The following RGS7 variants were observed in gnomAD, a reference collection of about 807,000 sequenced individuals.
RGS7 encodes the protein regulator of G-protein signaling 7.
In RGS7, 27 loss-of-function variants were observed where a neutral mutation model predicts 81.1. The ratio of observed to expected loss-of-function variants is 0.33; its 90% CI spans 0.25 to 0.46. The LOEUF (loss-of-function observed/expected upper bound fraction) is 0.46. RGS7 is among the 20% of genes least tolerant of loss of function. The pLI is 1.00. For synonymous variants in RGS7, 208 were observed against 207.7 expected (o/e 1.00, Z -0.01); for missense variants, 396 against 607.4 (o/e 0.65, Z 3.66).
chr1:241,068,238 G>GTGTGTGTGTGTGTGTGTGTA, intron 3 of RGS7, among the ~76,000 whole-genome samples: 1 of 35,620 alleles, frequency 2.8e-5, no homozygotes. Flanking sequence ...GTGTGTGTGT[G>GTGTGTGTGTGTGTGTGTGTA]TATATATATA....
intron 3 of RGS7, among the ~76,000 whole-genome samples, chr1:241,000,814 ATTTTT>A (rs10691671): frequency 0.36 from 47,340 of 130,380 alleles, 8,963 homozygotes; most frequent in East Asian, 0.58. Flanking sequence ...CACCCAGCTA[ATTTTT>A]TTTTTTTTTT....
intron 3 of RGS7, among the ~76,000 whole-genome samples, chr1:241,061,867 T>C (rs541080885): frequency 1.6e-4 from 25 of 152,332 alleles, no homozygotes; most frequent in African/African-American, 4.6e-4. Context: ...CATTGAACCT[T>C]GACTCTGTGA....
chr1:241,190,361 T>G (rs762597142), intron 2 of RGS7, among the ~76,000 whole-genome samples: 1 of 152,160 alleles, frequency 6.6e-6, no homozygotes, highest in African/African-American at 2.4e-5. Context: ...TTATAAAAAT[T>G]TTGCTCATAT....
At chr1:240,977,231 C>T (rs1273627822) in intron 4 of RGS7, among the ~76,000 whole-genome samples, 2 of 151,976 alleles carry the variant, frequency 1.3e-5, no homozygotes, top group African/African-American at 4.8e-5. Flanking sequence ...TTCTTCCTTC[C>T]AATCCCCCTG....
intron 2 of RGS7, among the ~76,000 whole-genome samples, chr1:241,205,661 A>G (rs552857308): frequency 6.6e-6 from 1 of 151,658 alleles, no homozygotes; most frequent in East Asian, 2.0e-4. Flanking sequence ...GAGTTTCACC[A>G]TCTTGCCCAG....
rs2067918386 is a variant in RGS7, at chr1:241,141,488, A to G, written c.79-42726T>C. ...AGGTTTAATTGATTCATGGTTCTGC[A>G]TTGCTTGGGAGGCCTCAGGAAACTT... On this transcript the variant is annotated intron_variant, in intron 2 of 18. Coordinates refer to ENST00000440928, the MANE Select transcript of RGS7 (RefSeq NM_001364886.1). 2.0e-5 allele frequency among the ~76,000 whole-genome samples: 3 copies of G among 152,218 alleles called. No individual in the cohort carries two copies. In the South Asian group the frequency reaches 6.2e-4, roughly 31 times the overall value.
intron 3 of RGS7, among the ~76,000 whole-genome samples, chr1:240,983,625 G>A (rs1273312819): frequency 1.3e-5 from 2 of 152,144 alleles, no homozygotes; most frequent in Non-Finnish European, 2.9e-5. Flanking sequence ...TGACCGAAAT[G>A]TCTTCCCACT....
intron 2 of RGS7, among the ~76,000 whole-genome samples, chr1:241,234,672 A>AT (rs1399407030): frequency 1.3e-5 from 2 of 152,018 alleles, no homozygotes; most frequent in African/African-American, 4.8e-5. Context: ...TTCCATGAGA[A>AT]AGACACACAA....
chr1:241,126,311 G>A (rs1387430953), intron 2 of RGS7, among the ~76,000 whole-genome samples: 2 of 151,826 alleles, frequency 1.3e-5, no homozygotes, highest in Non-Finnish European at 2.9e-5. Context: ...AACCACACCC[G>A]GCTAATTTTG....
intron 14 of RGS7, among the ~76,000 whole-genome samples, chr1:240,809,414 TCACAG>T (rs1353409869): frequency 6.6e-6 from 1 of 152,220 alleles, no homozygotes; most frequent in Non-Finnish European, 1.5e-5. Flanking sequence ...TAAGTGCAAT[TCACAG>T]CCCTGTTGAC....
At chr1:240,994,908 C>T (rs1299620150) in intron 3 of RGS7, among the ~76,000 whole-genome samples, 5 of 152,016 alleles carry the variant, frequency 3.3e-5, no homozygotes. Flanking sequence ...CTCCTGGTCT[C>T]CAAGTGATCC....
rs114080796 is a variant in RGS7 at position 241,117,172 on chromosome 1, T to C, written c.79-18410A>G. ...ATAAATGTCCTTGAACACAGTCCAC[T>C]CTCAGGGGAAATTTGAGGAAAAGAC... On this transcript the variant is annotated intron_variant, in intron 2 of 18. Coordinates refer to ENST00000440928, the MANE Select transcript of RGS7 (RefSeq NM_001364886.1). Among the ~76,000 whole-genome samples the C allele has an allele frequency of 3.1e-3, 465 of 152,288 alleles. 6 individuals are homozygous for C. The highest frequency in any genetic ancestry group is 0.01 in the African/African-American group (432 of 41,562).
chr1:241,072,841 T>A (rs1293060419), intron 3 of RGS7, among the ~76,000 whole-genome samples: 2 of 152,144 alleles, frequency 1.3e-5, no homozygotes, highest in Non-Finnish European at 1.5e-5. Context: ...AGGCATGTAT[T>A]TACATGCCTT....
intron 3 of RGS7, among the ~76,000 whole-genome samples, chr1:241,062,245 C>A (rs2061779658): frequency 6.6e-6 from 1 of 152,156 alleles, no homozygotes; most frequent in South Asian, 2.1e-4. Context: ...TATGGCAAGT[C>A]CCACAAGGAT....
At chr1:240,821,604 C>T (rs1299191581) in intron 10 of RGS7, among the ~76,000 whole-genome samples, 3 of 152,160 alleles carry the variant, frequency 2.0e-5, no homozygotes, top group South Asian at 2.1e-4. Context: ...TTTAAATGTA[C>T]ACATGCTGTA....
At chr1:240,901,763 C>A (rs1670052693) in intron 6 of RGS7, among the ~76,000 whole-genome samples, 2 of 152,192 alleles carry the variant, frequency 1.3e-5, no homozygotes, top group African/African-American at 4.8e-5. Context: ...TTCACTGTCA[C>A]TTTGGGAGCA....
chr1:240,777,633 C>G (rs1683198307), intron 18 of RGS7, among the ~76,000 whole-genome samples: 1 of 152,124 alleles, frequency 6.6e-6, no homozygotes, highest in Admixed American at 6.6e-5. Context: ...AAATTTATTT[C>G]TTATAGGACT....
chr1:240,861,856 T>C (rs1482737816), intron 9 of RGS7, among the ~76,000 whole-genome samples: 1 of 152,190 alleles, frequency 6.6e-6, no homozygotes, highest in African/African-American at 2.4e-5. Context: ...CACAAAATGC[T>C]AAAATTGAGT....
intron 3 of RGS7, among the ~76,000 whole-genome samples, chr1:241,034,472 C>T (rs768714672): frequency 2.8e-4 from 42 of 152,044 alleles, no homozygotes; most frequent in Admixed American, 3.3e-4. Context: ...TAGAAATGTG[C>T]GATGGAACAC....
Sources: gnomAD v4.1 joint callset for allele counts (sites outside exome capture counted in the v4.1 genomes callset) on GRCh38, gnomAD v4.1.1 for gene constraint, MANE v1.5 for transcripts, NCBI Gene and HGNC (gene_info 2026-07-23, HGNC 2026-07-21) for gene names.